SAMD8: variants seen among roughly 807,000 people sequenced by gnomAD.
SAMD8 encodes the protein sphingomyelin synthase-related protein 1.
Under a neutral mutation model 42.0 loss-of-function variants are expected in SAMD8, and 20 were observed. The ratio of observed to expected loss-of-function variants is 0.48; its 90% CI spans 0.34 to 0.69. The LOEUF is 0.69. Among genes scored for constraint, SAMD8 ranks in the 30% least tolerant of loss-of-function variants. The pLI is 0.01. For synonymous variants in SAMD8, 162 were observed against 173.0 expected, an observed-to-expected ratio of 0.94 and a Z score of 0.50; for missense variants, 328 against 511.6, an observed-to-expected ratio of 0.64 and a Z score of 3.46.
Position 75,150,561 on chromosome 10 carries a change from C to T in SAMD8, c.33C>T (p.Arg11=). The change falls in exon 2 of 6, where the codon CGC becomes CGT. Residue 11 remains arginine (R), a synonymous_variant. Coordinates refer to ENST00000542569, the MANE Select transcript of SAMD8 (RefSeq NM_001174156.2). The part of the protein sequence containing the change: MAGPNQLCIR[R]WTTKHVAVWL... ...GTCCTAATCAACTCTGCATTCGCCG[C>T]TGGACTACCAAGCATGTAGCTGTGT... The T allele has an allele frequency of 1.2e-6, 2 of 1,613,998 alleles. No homozygotes were observed. The highest frequency in any genetic ancestry group is 1.7e-6 in the Non-Finnish European group (2 of 1,179,944).
intron 1 of SAMD8, among the ~76,000 whole-genome samples, chr10:75,101,217 A>G (rs1015352215): frequency 1.3e-5 from 2 of 152,134 alleles, no homozygotes; most frequent in African/African-American, 4.8e-5. Flanking sequence ...ACTTGCAGCT[A>G]TGTGGTCTTG....
upstream of SAMD8, among the ~76,000 whole-genome samples, chr10:75,109,524 G>A (rs1419416659): frequency 6.6e-6 from 1 of 152,210 alleles, no homozygotes; most frequent in African/African-American, 2.4e-5. Context: ...TAGATGTAGA[G>A]CCCTGCCTAA....
chr10:75,106,658 T>C (rs1261811891), upstream of SAMD8, among the ~76,000 whole-genome samples: 1 of 152,234 alleles, frequency 6.6e-6, no homozygotes, highest in Admixed American at 6.5e-5. Flanking sequence ...TATGAGTAGC[T>C]CTCACTATAC....
At chr10:75,149,815 G>A (rs933662855) in intron 1 of SAMD8, among the ~76,000 whole-genome samples, 1 of 151,868 alleles carries the variant, frequency 6.6e-6, no homozygotes, top group African/African-American at 2.4e-5. Context: ...TCTCGAGTAG[G>A]CTTTTTAATT....
chr10:75,108,161 G>A (rs773413112), upstream of SAMD8: 20 of 1,612,472 alleles, frequency 1.2e-5, no homozygotes, highest in Admixed American at 6.7e-5. Context: ...CGTTCAGCAC[G>A]TGGGTGATGC....
At chr10:75,114,327 T>G (rs1848830446) in intron 1 of SAMD8, among the ~76,000 whole-genome samples, 1 of 118,422 alleles carries the variant, frequency 8.4e-6, no homozygotes, top group Non-Finnish European at 1.7e-5. Context: ...CAGAGTGATA[T>G]GTCTCAAAAA....
intron 4 of SAMD8, among the ~76,000 whole-genome samples, chr10:75,175,451 G>A (rs1011765138): frequency 2.6e-5 from 4 of 152,076 alleles, no homozygotes; most frequent in Non-Finnish European, 5.9e-5. Flanking sequence ...AGATGTTTTT[G>A]TATTATAGAG....
At chr10:75,160,710 C>T (rs922393778) in intron 2 of SAMD8, among the ~76,000 whole-genome samples, 5 of 152,068 alleles carry the variant, frequency 3.3e-5, no homozygotes, top group Non-Finnish European at 7.4e-5. Context: ...GAAAGTAGAA[C>T]GCTAAGTACC....
At chr10:75,145,203 C>T (rs1388107269) in intron 1 of SAMD8, among the ~76,000 whole-genome samples, 1 of 152,136 alleles carries the variant, frequency 6.6e-6, no homozygotes, top group Non-Finnish European at 1.5e-5. Context: ...GCCTTGCCTC[C>T]CAAAGTGCAG....
At chr10:75,159,286 G>A (rs1166022807) in intron 2 of SAMD8, among the ~76,000 whole-genome samples, 1 of 151,916 alleles carries the variant, frequency 6.6e-6, no homozygotes, top group Non-Finnish European at 1.5e-5. Context: ...TCAAGCTCCT[G>A]ACCTCAAGAG....
At chr10:75,113,863 A>G (rs1196692538) in intron 1 of SAMD8, among the ~76,000 whole-genome samples, 1 of 152,234 alleles carries the variant, frequency 6.6e-6, no homozygotes, top group Non-Finnish European at 1.5e-5. Context: ...AATAAAAGTC[A>G]TGGCATGTAA....
chr10:75,132,582 T>C (rs1386659287), intron 1 of SAMD8, among the ~76,000 whole-genome samples: 1 of 152,126 alleles, frequency 6.6e-6, no homozygotes, highest in African/African-American at 2.4e-5. Context: ...TAAAACTCCC[T>C]GAAGCCGTGA....
In SAMD8 at chr10:75,176,021, C is replaced by A. The variant is rs149447911; in HGVS notation, c.793-45C>A. 968 of 1,575,496 alleles carry A rather than the reference C, an allele frequency of 6.1e-4. 8 individuals carry two copies. In the East Asian group the frequency reaches 9.0e-3, roughly 15 times the overall value. On this transcript the variant is annotated intron_variant, in intron 4 of 5. Coordinates refer to ENST00000542569, the MANE Select transcript of SAMD8 (RefSeq NM_001174156.2). This position sits in a 1 kb window ranked among gnomAD's most constrained non-coding sequence, Gnocchi z 4.3. The stretch of plus-strand genomic sequence containing the variant: ...AGGAATGGATGTTGGGAAGTTCCCA[C>A]CTCCCTAAGCATTTGAAGCACTAAT...
At chr10:75,130,435 G>A (rs1037149451) in intron 1 of SAMD8, among the ~76,000 whole-genome samples, 10 of 152,148 alleles carry the variant, frequency 6.6e-5, no homozygotes, top group Non-Finnish European at 1.3e-4. Flanking sequence ...GAACCGAGGA[G>A]GTGGAGGTTG....
At chr10:75,174,408 C>T (rs1205067623) in intron 4 of SAMD8, among the ~76,000 whole-genome samples, 2 of 147,438 alleles carry the variant, frequency 1.4e-5, no homozygotes, top group Admixed American at 6.8e-5. Context: ...GGATTACAGG[C>T]GTGAGCCACC....
chr10:75,170,706 G>A (rs1320189828), intron 4 of SAMD8, among the ~76,000 whole-genome samples: 1 of 149,696 alleles, frequency 6.7e-6, no homozygotes, highest in East Asian at 1.9e-4. Context: ...ACAGTTAACA[G>A]TTGTGTGTAT....
chr10:75,178,038 G>T lies in SAMD8; in HGVS notation c.*1346G>T, dbSNP rs1382201690. On this transcript the variant is annotated 3_prime_UTR_variant, in exon 6 of 6. Transcript: ENST00000542569. ...ATTTTAAAACAAAAACTTAGAAAAGGTGCTGGCATTCTGAGGCCTGCAATT... is the reference window on the plus strand; with the variant it reads ...ATTTTAAAACAAAAACTTAGAAAAGTTGCTGGCATTCTGAGGCCTGCAATT... The T allele has an allele frequency of 1.3e-5, 2 of 152,166 alleles. No individual in the cohort carries two copies. Among genetic ancestry groups the T allele is most frequent in the East Asian group, 3.9e-4 (2 of 5,184 alleles). 9.4% of individuals were successfully genotyped at this position (152,166 alleles called of 1,614,324 possible). A position where few individuals can be genotyped will look rare whatever the true frequency, so the allele number is the denominator to read the frequency against.
At chr10:75,119,187 C>T (rs1463059519) in intron 1 of SAMD8, among the ~76,000 whole-genome samples, 6 of 151,034 alleles carry the variant, frequency 4.0e-5, no homozygotes, top group Admixed American at 1.3e-4. Flanking sequence ...GACGGAGTTT[C>T]GCTCTTGTTA....
rs151328415 is a variant in SAMD8, at chr10:75,150,558, C to T, written c.30C>T (p.Arg10=). 1,674 of 1,613,804 alleles carry T rather than the reference C, an allele frequency of 1.0e-3. 35 individuals are homozygous for T. In the East Asian group the frequency reaches 0.023, roughly 22 times the overall value. The change falls in exon 2 of 6, where the codon CGC becomes CGT. Residue 10 remains arginine (R), a synonymous_variant. Transcript: ENST00000542569. MAGPNQLCI[R]RWTTKHVAVW... is the part of the protein sequence containing the mutation. ...CAGGTCCTAATCAACTCTGCATTCG[C>T]CGCTGGACTACCAAGCATGTAGCTG...
Sources: allele counts gnomAD v4.1 joint callset (sites outside exome capture counted in the v4.1 genomes callset), GRCh38; gene constraint gnomAD v4.1.1; non-coding constraint Gnocchi (gnomAD v3.1); transcripts MANE v1.5; gene names NCBI Gene and HGNC (gene_info 2026-07-23, HGNC 2026-07-21).